The following FKBP11 variants were observed in gnomAD, a reference collection of about 807,000 sequenced individuals.
FKBP11 encodes FKBP prolyl isomerase 11, also known as peptidyl-prolyl cis-trans isomerase FKBP11.
A neutral mutation model predicts 24.7 loss-of-function variants in FKBP11; 21 were observed. The observed-to-expected ratio is 0.85, with a 90% CI of 0.60 to 1.23. FKBP11 has a LOEUF of 1.23. Among genes scored for constraint, FKBP11 ranks in the 50% most tolerant of loss-of-function variants. The probability of loss-of-function intolerance (pLI) is 0.00; values close to 1 mark genes in which losing one functional copy is unlikely to be tolerated. For synonymous variants in FKBP11, 106 were observed against 100.6 expected (o/e 1.05, Z -0.32); for missense variants, 245 against 248.7 (o/e 0.99, Z 0.10).
chr12:48,927,187 G>T (rs1347391310), upstream of FKBP11, among the ~76,000 whole-genome samples: 1 of 152,146 alleles, frequency 6.6e-6, no homozygotes, highest in Non-Finnish European at 1.5e-5. Flanking sequence ...TCTGTTAGTG[G>T]CTCTGCTACC....
At chr12:48,932,255 A>ATT in the FKBP11 span, among the ~76,000 whole-genome samples, 1 of 37,598 alleles carries the variant, frequency 2.7e-5, no homozygotes, top group African/African-American at 1.0e-4. Context: ...ATATATATAT[A>ATT]TATATATTTT....
the FKBP11 span, among the ~76,000 whole-genome samples, chr12:48,933,036 A>G: frequency 1.3e-5 from 2 of 152,170 alleles, no homozygotes; most frequent in Admixed American, 1.3e-4. Flanking sequence ...TCTGCAACTC[A>G]CAGCCAACAT....
chr12:48,925,093 A>G lies in FKBP11; in HGVS notation c.148T>C (p.Cys50Arg), dbSNP rs1158859590. ...VETLVEPPEP[C>R]AEPAAFGDTL... is the part of the protein sequence containing the mutation. The stretch of plus-strand genomic sequence containing the variant: ...TCTCCAAAAGCAGCGGGCTCGGCAC[A>G]TGGTTCTGGGGGCTCCACCTACGAT... Residue 50 changes from cysteine (C) to arginine (R), a missense_variant, in exon 2 of 6, where the codon TGT becomes CGT. Transcript: ENST00000550765. 3.7e-6 allele frequency: 6 copies of G among 1,610,638 alleles called. No homozygotes were observed. Among genetic ancestry groups the G allele is most frequent in the Non-Finnish European group, 5.1e-6 (6 of 1,178,640 alleles).
At chr12:48,933,499 C>A in the FKBP11 span, among the ~76,000 whole-genome samples, 12 of 152,232 alleles carry the variant, frequency 7.9e-5, no homozygotes, top group Admixed American at 1.3e-4. Context: ...GTCACAAGTT[C>A]AAGACCAGCC....
the FKBP11 span, chr12:48,938,800 A>AG: frequency 5.1e-6 from 5 of 976,210 alleles, no homozygotes; most frequent in African/African-American, 1.6e-5. Flanking sequence ...GAGGGGAGGC[A>AG]GGGGAGGCAA....
At chr12:48,928,734 C>A (rs1940012062), upstream of FKBP11, among the ~76,000 whole-genome samples, 1 of 152,094 alleles carries the variant, frequency 6.6e-6, no homozygotes, top group Non-Finnish European at 1.5e-5. Flanking sequence ...CTGCCTCAGC[C>A]TCCCAAAGTG....
chr12:48,929,001 T>TTC (rs1940016416), upstream of FKBP11, among the ~76,000 whole-genome samples: 1 of 149,638 alleles, frequency 6.7e-6, no homozygotes, highest in Non-Finnish European at 1.5e-5. Flanking sequence ...TTTTTGTATT[T>TTC]TTTTTTTTTA....
At chr12:48,938,905 T>A in the FKBP11 span, 1 of 1,598,212 alleles carries the variant, frequency 6.3e-7, no homozygotes, top group East Asian at 2.2e-5. Flanking sequence ...ACAGTAGGTA[T>A]GTCAGGGGTG....
At chr12:48,938,586 G>A in the FKBP11 span, 4 of 457,944 alleles carry the variant, frequency 8.7e-6, no homozygotes, top group South Asian at 1.6e-5. Flanking sequence ...GTGGGGACAG[G>A]GAAAGGACTC....
the FKBP11 span, chr12:48,938,344 T>A: frequency 2.2e-6 from 1 of 453,796 alleles, no homozygotes; most frequent in African/African-American, 2.0e-5. Flanking sequence ...CTTCCCTTAA[T>A]CTCACCAACA....
intron 1 of FKBP11, 56 bp downstream of exon 1, chr12:48,925,244 T>C: frequency 6.3e-7 from 1 of 1,599,122 alleles, no homozygotes. Flanking sequence ...GACCCCAGTA[T>C]TACCACCCAA....
the FKBP11 span, among the ~76,000 whole-genome samples, chr12:48,934,198 G>A: frequency 2.6e-5 from 4 of 152,314 alleles, 1 homozygote; most frequent in Admixed American, 1.3e-4. Context: ...CCTCAAGGCT[G>A]AGAAACCCAC....
the FKBP11 span, among the ~76,000 whole-genome samples, chr12:48,932,102 G>C: frequency 6.7e-6 from 1 of 148,916 alleles, no homozygotes; most frequent in African/African-American, 2.5e-5. Flanking sequence ...CTTGAGCCCA[G>C]GAGTTTGAAA....
chr12:48,932,256 T>A, the FKBP11 span, among the ~76,000 whole-genome samples: 1 of 33,014 alleles, frequency 3.0e-5, no homozygotes, highest in Non-Finnish European at 5.8e-5. Context: ...TATATATATA[T>A]ATATATTTTT....
chr12:48,928,376 G>A (rs533227261), upstream of FKBP11, among the ~76,000 whole-genome samples: 1 of 146,580 alleles, frequency 6.8e-6, no homozygotes, highest in Non-Finnish European at 1.5e-5. Flanking sequence ...ACCGAGTCTC[G>A]CTCTGTTGCC....
chr12:48,925,733 G>A, upstream of FKBP11: 2 of 415,244 alleles, frequency 4.8e-6, no homozygotes. Flanking sequence ...CCTACTGTGT[G>A]TCAGGAGCTA....
At chr12:48,930,721 G>A (rs1287818608), upstream of FKBP11, among the ~76,000 whole-genome samples, 1 of 152,090 alleles carries the variant, frequency 6.6e-6, no homozygotes, top group Admixed American at 6.6e-5. Flanking sequence ...TTAAACAAGT[G>A]AGAAAGGAGG....
chr12:48,927,534 A>C (rs1007098646), upstream of FKBP11, among the ~76,000 whole-genome samples: 3 of 152,348 alleles, frequency 2.0e-5, no homozygotes, highest in East Asian at 1.9e-4. Flanking sequence ...AAACAAAAAA[A>C]CCACAAAACT....
chr12:48,934,568 A>G, the FKBP11 span, among the ~76,000 whole-genome samples: 1 of 152,162 alleles, frequency 6.6e-6, no homozygotes, highest in Admixed American at 6.5e-5. Flanking sequence ...TTCTAAATTG[A>G]GTACTAAGGG....
Sources: allele counts gnomAD v4.1 joint callset (sites outside exome capture counted in the v4.1 genomes callset), GRCh38; gene constraint gnomAD v4.1.1; transcripts MANE v1.5; gene names NCBI Gene and HGNC (gene_info 2026-07-23, HGNC 2026-07-21).